DIP2A: variants seen among roughly 807,000 people sequenced by gnomAD.
DIP2A encodes DIP2 acetate--CoA ligase A, also known as disco-interacting protein 2 homolog A.
Under a neutral mutation model 177.4 loss-of-function variants are expected in DIP2A, and 85 were observed. That is an observed-to-expected ratio of 0.48 (90% CI 0.40 to 0.57). The LOEUF (loss-of-function observed/expected upper bound fraction) is 0.57, where lower values mean the gene tolerates loss of function less well. Ranked by LOEUF, DIP2A falls within the 20% of genes least tolerant of loss-of-function variation. The pLI is 0.00. For missense variants in DIP2A, 1,791 were observed against 2,100.2 expected (o/e 0.85, Z 2.88); for synonymous variants, 886 against 881.8 (o/e 1.00, Z -0.08).
rs529256985 is a variant in DIP2A at position 46,517,624 on chromosome 21, G to A, written c.1102+6010G>A. 4.4e-4 allele frequency among the ~76,000 whole-genome samples: 67 copies of A among 152,288 alleles called. No individual in the cohort carries two copies. In the South Asian group the frequency reaches 0.012, roughly 27 times the overall value. The stretch of plus-strand genomic sequence containing the variant: ...TCCCAGCCGTGGCGTTGGTCTCCTC[G>A]TGGCTTCTTAACAACCCCATTCTGC... On this transcript the variant is annotated intron_variant, in intron 8 of 37. Coordinates refer to ENST00000417564, the MANE Select transcript of DIP2A (RefSeq NM_015151.4).
downstream of DIP2A, among the ~76,000 whole-genome samples, chr21:46,573,182 A>G (rs1338142287): frequency 6.6e-6 from 1 of 152,170 alleles, no homozygotes; most frequent in African/African-American, 2.4e-5. Context: ...TGAAAGAGAT[A>G]TAAGGCATAT....
intron 1 of DIP2A, among the ~76,000 whole-genome samples, chr21:46,465,059 A>G (rs1052096592): frequency 6.6e-6 from 1 of 151,964 alleles, no homozygotes; most frequent in South Asian, 2.1e-4. Flanking sequence ...ATAATATAGA[A>G]TAAATTGCTG....
the DIP2A span, among the ~76,000 whole-genome samples, chr21:46,578,109 C>A: frequency 2.0e-5 from 3 of 152,136 alleles, no homozygotes; most frequent in African/African-American, 7.2e-5. Context: ...GTCAAGAGAT[C>A]AAGACCATCC....
intron 9 of DIP2A, among the ~76,000 whole-genome samples, chr21:46,530,221 T>TA (rs2059298633): frequency 1.3e-5 from 2 of 152,174 alleles, no homozygotes; most frequent in Non-Finnish European, 2.9e-5. Flanking sequence ...TGAAATCCCC[T>TA]AGTGAGAAGG....
At chr21:46,487,972 G>A (rs1044634098) in intron 2 of DIP2A, among the ~76,000 whole-genome samples, 15 of 152,206 alleles carry the variant, frequency 9.9e-5, no homozygotes, top group Non-Finnish European at 4.4e-5. Context: ...CCCATTAGAA[G>A]AGGCAAAGTT....
intron 1 of DIP2A, among the ~76,000 whole-genome samples, chr21:46,479,270 A>C (rs1407454993): frequency 1.6e-4 from 25 of 152,196 alleles, no homozygotes; most frequent in Non-Finnish European, 2.9e-5. Context: ...TTTAAAGAAA[A>C]ACTTTAATGT....
intron 8 of DIP2A, among the ~76,000 whole-genome samples, chr21:46,527,854 G>C (rs759014010): frequency 1.1e-4 from 16 of 151,966 alleles, no homozygotes; most frequent in Non-Finnish European, 1.6e-4. Flanking sequence ...CTTCAAGTGT[G>C]GGGGGTTAGA....
chr21:46,459,237 G>T lies in DIP2A; in HGVS notation c.91+15G>T, dbSNP rs761175842. 1.3e-6 allele frequency: 2 copies of T among 1,515,918 alleles called. No homozygotes were observed. Among genetic ancestry groups the T allele is most frequent in the East Asian group, 5.5e-5 (2 of 36,262 alleles). 93.9% of individuals were successfully genotyped at this position (1,515,918 alleles called of 1,614,324 possible). A position where few individuals can be genotyped will look rare whatever the true frequency, so the allele number is the denominator to read the frequency against. ...GCTGTCGGAAGGTGAGCCGGACCCC[G>T]CCCTCAACCCCCGCGACCCGCCCTC... On this transcript the variant is annotated intron_variant, in intron 1 of 37. Transcript: ENST00000417564.
At position 46,486,733 on chromosome 21, in the gene DIP2A, T is replaced by A. The variant is rs535350396; in HGVS notation, c.163+1905T>A. On this transcript the variant is annotated intron_variant, in intron 2 of 37. Transcript: ENST00000417564. ...TAGGATGCAGGCAGCTAGTATTACA[T>A]AGTAAAGTTGAAGAGGTGCAGCAGT... 1.1e-3 allele frequency among the ~76,000 whole-genome samples: 173 copies of A among 152,304 alleles called. 3 individuals are homozygous for A. The East Asian group carries it at 0.028, about 25-fold the overall frequency.
intron 8 of DIP2A, among the ~76,000 whole-genome samples, chr21:46,511,831 C>T (rs575141950): frequency 6.4e-4 from 98 of 152,184 alleles, no homozygotes; most frequent in African/African-American, 1.5e-3. Context: ...GTGTTTGGAG[C>T]GTTCTATGTA....
At position 46,561,917 on chromosome 21, in the gene DIP2A, C is replaced by T. The variant is rs1366339278; in HGVS notation, c.4089+112C>T. The stretch of plus-strand genomic sequence containing the variant: ...GGCTCTGATGAACACAGGTCGACTT[C>T]TGGTTGGGGTGGGCTCGGCTGCTGC... On this transcript the variant is annotated intron_variant, in intron 34 of 37. Transcript: ENST00000417564. The T allele has an allele frequency of 4.6e-6, 7 of 1,511,862 alleles. No homozygotes were observed. The Admixed American group carries it at 1.3e-4, about 29-fold the overall frequency. 93.7% of individuals were successfully genotyped at this position (1,511,862 alleles called of 1,614,324 possible).
chr21:46,561,665 A>C, intron 33 of DIP2A, 83 bp from the exon 34 acceptor site: 1 of 1,538,354 alleles, frequency 6.5e-7, no homozygotes, highest in Middle Eastern at 1.7e-4. Flanking sequence ...CAGAGTGATC[A>C]TTTCCAACGT....
Position 46,498,421 on chromosome 21 carries a change from G to A in DIP2A, c.404-161G>A, listed in dbSNP as rs573649776. ...GGCTTCTTGCATGCCCTTCTAGATTGAGGGTGACCTTTGAGCTGACTGCGT... is the reference window on the plus strand; with the variant it reads ...GGCTTCTTGCATGCCCTTCTAGATTAAGGGTGACCTTTGAGCTGACTGCGT... On this transcript the variant is annotated intron_variant, in intron 4 of 37. Transcript: ENST00000417564. The surrounding 1 kb of genome is among the most constrained non-coding windows in gnomAD (Gnocchi z 4.3). 1.3e-4 allele frequency among the ~76,000 whole-genome samples: 20 copies of A among 152,250 alleles called. No individual in the cohort carries two copies. Among genetic ancestry groups the A allele is most frequent in the Non-Finnish European group, 2.9e-4 (20 of 68,010 alleles).
intron 1 of DIP2A, among the ~76,000 whole-genome samples, chr21:46,483,339 C>CA (rs201918287): frequency 0.14 from 19,080 of 138,212 alleles, 2,974 homozygotes; most frequent in African/African-American, 0.4. Flanking sequence ...ACACTAAATG[C>CA]AAAAAAAAAA....
intron 8 of DIP2A, among the ~76,000 whole-genome samples, chr21:46,518,589 G>T (rs1370957299): frequency 6.6e-6 from 1 of 152,148 alleles, no homozygotes; most frequent in East Asian, 1.9e-4. Flanking sequence ...GGGCACGGTG[G>T]CTTACATCTA....
At chr21:46,477,670 T>A (rs2056018687) in intron 1 of DIP2A, among the ~76,000 whole-genome samples, 1 of 149,168 alleles carries the variant, frequency 6.7e-6, no homozygotes. Flanking sequence ...GCCTCCCTGG[T>A]TCAAGTGATT....
intron 3 of DIP2A, among the ~76,000 whole-genome samples, chr21:46,496,395 A>G (rs1358098031): frequency 2.6e-5 from 4 of 152,160 alleles, no homozygotes; most frequent in Admixed American, 2.6e-4. Context: ...TTTTGTCCTT[A>G]TTAGATATTT....
chr21:46,511,608 A>T lies in DIP2A; in HGVS notation c.1096A>T (p.Thr366Ser), dbSNP rs760624329. Residue 366 changes from threonine to serine, a missense_variant, in exon 8 of 38, where the codon ACC (threonine) becomes TCC (serine). Transcript: ENST00000417564. ...DTTGKAVYTL[T>S]YGKLWSRSLK... ...AACTGGGAAAGCCGTCTACACTCTC[A>T]CCTATGGCAAGTGTTAACAGAAAGC... The T allele has an allele frequency of 1.3e-6, 2 of 1,530,998 alleles. No homozygotes were observed. Among genetic ancestry groups the T allele is most frequent in the Admixed American group, 2.2e-5 (1 of 44,800 alleles). The allele number at this position is 1,530,998 out of a possible 1,614,324, so 94.8% of individuals were successfully genotyped here. A position where few individuals can be genotyped will look rare whatever the true frequency, so the allele number is the denominator to read the frequency against.
At chr21:46,495,232 C>CTTT (rs2057262885) in intron 3 of DIP2A, among the ~76,000 whole-genome samples, 1 of 89,138 alleles carries the variant, frequency 1.1e-5, no homozygotes, top group Non-Finnish European at 2.0e-5. Flanking sequence ...CTCTTCTCTT[C>CTTT]TCTTCTCTTC....
Sources: gnomAD v4.1 joint callset for allele counts (sites outside exome capture counted in the v4.1 genomes callset) on GRCh38, gnomAD v4.1.1 for gene constraint, Gnocchi (gnomAD v3.1) non-coding constraint, MANE v1.5 for transcripts, NCBI Gene and HGNC (gene_info 2026-07-23, HGNC 2026-07-21) for gene names.